ADAMTS2: variants seen among roughly 807,000 people sequenced by gnomAD.
The protein encoded by ADAMTS2 is ADAM metallopeptidase with thrombospondin type 1 motif 2, also known as A disintegrin and metalloproteinase with thrombospondin motifs 2.
Under a neutral mutation model 123.0 loss-of-function variants are expected in ADAMTS2, and 50 were observed. The ratio of observed to expected loss-of-function variants is 0.41; its 90% confidence interval spans 0.32 to 0.51. The LOEUF is 0.51. ADAMTS2 is among the 20% of genes least tolerant of loss of function. The pLI is 0.35. For synonymous variants in ADAMTS2, 678 were observed against 695.4 expected, an observed-to-expected ratio of 0.98 and a Z score of 0.39; for missense variants, 1,494 against 1,705.2, an observed-to-expected ratio of 0.88 and a Z score of 2.18.
intron 19 of ADAMTS2, 138 bp from the exon 20 acceptor site, chr5:179,122,911 T>G (rs1762790237): frequency 7.2e-7 from 1 of 1,381,974 alleles, no homozygotes; most frequent in Non-Finnish European, 9.9e-7. Context: ...GAGTGGGGTT[T>G]CAGGTTGCCT....
At chr5:179,265,034 G>T (rs73333234) in intron 3 of ADAMTS2, among the ~76,000 whole-genome samples, 2 of 75,316 alleles carry the variant, frequency 2.7e-5, no homozygotes, top group Non-Finnish European at 6.1e-5. Context: ...TGCCGGGTGG[G>T]GCTGAGCACA....
intron 17 of ADAMTS2, among the ~76,000 whole-genome samples, chr5:179,127,434 C>T (rs1324095950): frequency 6.6e-6 from 1 of 152,096 alleles, no homozygotes; most frequent in African/African-American, 2.4e-5. Context: ...CCCAGGAGCA[C>T]GCAGAACAGA....
intron 4 of ADAMTS2, among the ~76,000 whole-genome samples, chr5:179,192,774 C>T (rs1301502063): frequency 6.6e-6 from 1 of 152,220 alleles, no homozygotes; most frequent in Non-Finnish European, 1.5e-5. Context: ...CCCTATGCTG[C>T]CTCGGGTGCT....
At chr5:179,255,971 G>A (rs956436941) in intron 3 of ADAMTS2, among the ~76,000 whole-genome samples, 2 of 152,272 alleles carry the variant, frequency 1.3e-5, no homozygotes. Context: ...GCTCTGGTAG[G>A]CCCTGGGGTC....
At chr5:179,266,496 G>A (rs1256169061) in intron 3 of ADAMTS2, among the ~76,000 whole-genome samples, 1 of 152,212 alleles carries the variant, frequency 6.6e-6, no homozygotes, top group Non-Finnish European at 1.5e-5. Flanking sequence ...GAGGGGCCAG[G>A]AATGGATTCT....
intron 2 of ADAMTS2, among the ~76,000 whole-genome samples, chr5:179,289,076 A>T (rs994506705): frequency 1.3e-5 from 2 of 152,092 alleles, no homozygotes; most frequent in Admixed American, 6.5e-5. Context: ...AGCAGGCTGC[A>T]GCCCCCCAGC....
At chr5:179,280,654 A>T (rs1766872021) in intron 2 of ADAMTS2, among the ~76,000 whole-genome samples, 1 of 151,738 alleles carries the variant, frequency 6.6e-6, no homozygotes, top group African/African-American at 2.4e-5. Context: ...CCCTGGGCGC[A>T]CCCCCAGTGT....
chr5:179,232,683 G>A (rs778076770), intron 3 of ADAMTS2, among the ~76,000 whole-genome samples: 1 of 152,182 alleles, frequency 6.6e-6, no homozygotes, highest in African/African-American at 2.4e-5. Flanking sequence ...ATTCCCACGC[G>A]TGTCTGCATC....
At position 179,234,823 on chromosome 5, in the gene ADAMTS2, C is replaced by G. The variant is rs7704113; in HGVS notation, c.689-27108G>C. Among the ~76,000 whole-genome samples, 3,536 of 152,222 alleles carry G rather than the reference C, an allele frequency of 0.023. 132 individuals are homozygous for G. The highest frequency in any genetic ancestry group is 0.079 in the African/African-American group (3,271 of 41,512). ...GCTGCTGCTCCCTGCCCTTCACTCCCTGTAGCTCGAGTCCTCACCTGAGCT... is the reference window on the plus strand; with the variant it reads ...GCTGCTGCTCCCTGCCCTTCACTCCGTGTAGCTCGAGTCCTCACCTGAGCT... On this transcript the variant is annotated intron_variant, in intron 3 of 21. Coordinates refer to ENST00000251582, the MANE Select transcript of ADAMTS2 (RefSeq NM_014244.5). The surrounding 1 kb of genome is among the most constrained non-coding windows in gnomAD (Gnocchi z 4.7).
intron 4 of ADAMTS2, among the ~76,000 whole-genome samples, chr5:179,207,124 A>G (rs77299834): frequency 0.012 from 1,866 of 152,340 alleles, 86 homozygotes; most frequent in Admixed American, 0.084. Flanking sequence ...CTATTATATT[A>G]GCTTTTCAGG....
At chr5:179,208,563 G>A (rs947894672) in intron 3 of ADAMTS2, among the ~76,000 whole-genome samples, 2 of 152,148 alleles carry the variant, frequency 1.3e-5, no homozygotes, top group Non-Finnish European at 2.9e-5. Context: ...TATCGTCCCT[G>A]CCTTCTGTGC....
intron 10 of ADAMTS2, among the ~76,000 whole-genome samples, chr5:179,148,326 T>C (rs571333887): frequency 2.0e-4 from 31 of 152,052 alleles, no homozygotes; most frequent in Non-Finnish European, 3.8e-4. Context: ...CTGTGGAGCA[T>C]GTGGGCTGCT....
At chr5:179,222,800 CT>C (rs1256708638) in intron 3 of ADAMTS2, among the ~76,000 whole-genome samples, 2 of 152,274 alleles carry the variant, frequency 1.3e-5, no homozygotes, top group African/African-American at 4.8e-5. Context: ...ATGTTGTGAA[CT>C]GACTCCTGCC....
rs1003741366 is a variant in ADAMTS2 at position 179,343,861 on chromosome 5, C to A, written c.440G>T (p.Arg147Leu). ...ACAGCTCCCGAGCAGGGGCTCCACGCGGGTGGTGCCCTTCTCGCCCTGCCA... is the reference window on the plus strand; with the variant it reads ...ACAGCTCCCGAGCAGGGGCTCCACGAGGGTGGTGCCCTTCTCGCCCTGCCA... ...MEWQGEKGTT[R>L]VEPLLGSCLY... The change falls in exon 2 of 22, where the codon CGC (arginine) becomes CTC (leucine). Residue 147 changes from arginine (R) to leucine (L), a missense_variant. Coordinates refer to ENST00000251582, the MANE Select transcript of ADAMTS2 (RefSeq NM_014244.5). 1.3e-6 allele frequency: 2 copies of A among 1,596,078 alleles called. No homozygotes were observed. The highest frequency in any genetic ancestry group is 1.7e-6 in the Non-Finnish European group (2 of 1,173,130).
intron 3 of ADAMTS2, among the ~76,000 whole-genome samples, chr5:179,241,909 G>T (rs1253035601): frequency 6.6e-6 from 1 of 152,132 alleles, no homozygotes; most frequent in Non-Finnish European, 1.5e-5. Context: ...CCGCCAGCGG[G>T]AAGGGCCTTG....
chr5:179,164,129 C>G (rs1389374822), intron 5 of ADAMTS2, among the ~76,000 whole-genome samples: 1 of 152,206 alleles, frequency 6.6e-6, no homozygotes, highest in African/African-American at 2.4e-5. Flanking sequence ...AACTGACAAG[C>G]CACAGAGCTG....
At chr5:179,195,952 C>T (rs924411638) in intron 4 of ADAMTS2, among the ~76,000 whole-genome samples, 1 of 152,166 alleles carries the variant, frequency 6.6e-6, no homozygotes, top group Admixed American at 6.5e-5. Flanking sequence ...CCAGAGCCAG[C>T]GACTCGTGAA....
rs139894468 is a variant in ADAMTS2, at chr5:179,203,870, G to A, written c.891+3643C>T. Among the ~76,000 whole-genome samples, 909 of 144,100 alleles carry A rather than the reference G, an allele frequency of 6.3e-3. 6 individuals carry two copies. The highest frequency in any genetic ancestry group is 9.6e-3 in the Non-Finnish European group (638 of 66,236). 94.5% of individuals were successfully genotyped at this position (144,100 alleles called of 152,430 possible). A position where few individuals can be genotyped will look rare whatever the true frequency, so the allele number is the denominator to read the frequency against. ...ATTCTACTTATGGGCATATAGTCAA[G>A]AGAACGGAAAACAGAGTCTGGAACA... is the stretch of plus-strand genomic sequence containing the variant. On this transcript the variant is annotated intron_variant, in intron 4 of 21. Coordinates refer to ENST00000251582, the MANE Select transcript of ADAMTS2 (RefSeq NM_014244.5).
intron 2 of ADAMTS2, among the ~76,000 whole-genome samples, chr5:179,273,619 T>C (rs1405202878): frequency 1.3e-5 from 2 of 152,146 alleles, no homozygotes; most frequent in Admixed American, 1.3e-4. Flanking sequence ...AATCCCAGCT[T>C]TCCTTGGAAA....
Sources: allele counts gnomAD v4.1 joint callset (sites outside exome capture counted in the v4.1 genomes callset), GRCh38; gene constraint gnomAD v4.1.1; non-coding constraint Gnocchi (gnomAD v3.1); transcripts MANE v1.5; gene names NCBI Gene and HGNC (gene_info 2026-07-23, HGNC 2026-07-21).